The following MTUS2 variants were observed in gnomAD, a reference collection of about 807,000 sequenced individuals.
MTUS2 encodes microtubule-associated tumor suppressor candidate 2.
MTUS2 carries 40 observed loss-of-function variants against 114.1 expected under a neutral mutation model. That is an observed-to-expected ratio of 0.35 (90% CI 0.27 to 0.46). MTUS2 has a LOEUF of 0.46. Ranked by LOEUF, MTUS2 falls within the 20% of genes least tolerant of loss-of-function variation. The pLI, the probability that MTUS2 is intolerant of heterozygous loss-of-function variation, is 1.00. For missense variants in MTUS2, 1,679 were observed against 1,705.4 expected (o/e 0.98, Z 0.27); for synonymous variants, 688 against 672.0 (o/e 1.02, Z -0.37).
intron 5 of MTUS2, among the ~76,000 whole-genome samples, chr13:29,130,965 C>G (rs931626394): frequency 1.3e-5 from 2 of 152,216 alleles, no homozygotes; most frequent in Non-Finnish European, 2.9e-5. Context: ...TCATTCATCT[C>G]CCTCTGCTCC....
At chr13:29,364,660 G>T (rs1423515777) in intron 8 of MTUS2, among the ~76,000 whole-genome samples, 2 of 152,170 alleles carry the variant, frequency 1.3e-5, no homozygotes, top group Non-Finnish European at 2.9e-5. Flanking sequence ...TAAATTCAGG[G>T]ATTCATCAGA....
intron 2 of MTUS2, among the ~76,000 whole-genome samples, chr13:28,985,553 T>C (rs1002296151): frequency 2.1e-5 from 3 of 142,602 alleles, no homozygotes; most frequent in Non-Finnish European, 3.0e-5. Context: ...ATCGAAGAAA[T>C]GGTATTCTTT....
chr13:28,906,554 G>T (rs566802737), intron 2 of MTUS2, among the ~76,000 whole-genome samples: 16 of 151,730 alleles, frequency 1.1e-4, no homozygotes, highest in Non-Finnish European at 2.2e-4. Context: ...TTTCCATATA[G>T]TTGAGCAGTT....
chr13:29,274,641 TCCCA>T (rs1399948195), intron 5 of MTUS2, among the ~76,000 whole-genome samples: 2 of 152,200 alleles, frequency 1.3e-5, no homozygotes, highest in African/African-American at 2.4e-5. Context: ...TGTACTTATT[TCCCA>T]TTTGTATATC....
chr13:29,128,259 C>T (rs1487695903), intron 5 of MTUS2, among the ~76,000 whole-genome samples: 6 of 152,080 alleles, frequency 3.9e-5, no homozygotes, highest in South Asian at 2.1e-4. Context: ...AGACATGCAG[C>T]GGGACCAGAA....
At chr13:29,269,451 A>G (rs1897792091) in intron 5 of MTUS2, among the ~76,000 whole-genome samples, 1 of 152,248 alleles carries the variant, frequency 6.6e-6, no homozygotes, top group Non-Finnish European at 1.5e-5. Flanking sequence ...AAGGTAAGAA[A>G]ATGATACGAA....
At chr13:28,825,336 G>C (rs2137928395) in intron 1 of MTUS2, among the ~76,000 whole-genome samples, 1 of 152,308 alleles carries the variant, frequency 6.6e-6, no homozygotes, top group South Asian at 2.1e-4. Context: ...GTCACCCTGG[G>C]AACAAATGGA....
chr13:29,099,625 G>A (rs1890325684), intron 4 of MTUS2, among the ~76,000 whole-genome samples: 1 of 152,054 alleles, frequency 6.6e-6, no homozygotes, highest in Non-Finnish European at 1.5e-5. Flanking sequence ...CTGAAACCTG[G>A]TTAATATTTT....
At chr13:29,380,024 G>A (rs1007142557) in intron 8 of MTUS2, among the ~76,000 whole-genome samples, 2 of 152,224 alleles carry the variant, frequency 1.3e-5, no homozygotes, top group Non-Finnish European at 2.9e-5. Flanking sequence ...CCCCAGGGCT[G>A]TAACAATAAC....
chr13:28,896,610 A>C (rs1480684603), intron 2 of MTUS2, among the ~76,000 whole-genome samples: 1 of 152,236 alleles, frequency 6.6e-6, no homozygotes, highest in African/African-American at 2.4e-5. Context: ...CCTAAGCCAA[A>C]AGAACAAAGC....
chr13:29,157,560 G>T (rs1017228619), intron 5 of MTUS2, among the ~76,000 whole-genome samples: 4 of 152,128 alleles, frequency 2.6e-5, no homozygotes, highest in Admixed American at 2.6e-4. Context: ...AGGACCTTGA[G>T]CTCTGAGGAT....
At chr13:29,428,119 T>C (rs1282094703) in intron 8 of MTUS2, among the ~76,000 whole-genome samples, 4 of 152,218 alleles carry the variant, frequency 2.6e-5, no homozygotes, top group Non-Finnish European at 5.9e-5. Context: ...TTCACAGTTA[T>C]ATTTTAAATA....
intron 8 of MTUS2, among the ~76,000 whole-genome samples, chr13:29,391,292 G>A (rs548574453): frequency 6.6e-6 from 1 of 152,280 alleles, no homozygotes; most frequent in Non-Finnish European, 1.5e-5. Flanking sequence ...GTTTCACCAT[G>A]TTGGCCAGGT....
chr13:29,082,541 G>A (rs1321184781), intron 4 of MTUS2, among the ~76,000 whole-genome samples: 1 of 152,178 alleles, frequency 6.6e-6, no homozygotes, highest in Non-Finnish European at 1.5e-5. Flanking sequence ...TCAGGCAAAG[G>A]TCTGAGGAAA....
chr13:29,504,180 G>A lies in MTUS2; in HGVS notation c.*974G>A, dbSNP rs919090744. 7 of 232,242 alleles carry A rather than the reference G, an allele frequency of 3.0e-5. No homozygotes were observed. The highest frequency in any genetic ancestry group is 5.1e-5 in the Non-Finnish European group (6 of 117,468). The allele number at this position is 232,242 out of a possible 1,614,324, so 14.4% of individuals were successfully genotyped here. On this transcript the variant is annotated 3_prime_UTR_variant, in exon 16 of 16. Transcript: ENST00000612955. ...GCGCTCCATCCTCATGAAGGAAATT[G>A]CTGCCAAGGTCTGTATTTTGACCAG...
At chr13:29,358,249 A>G (rs1007348716) in intron 7 of MTUS2, among the ~76,000 whole-genome samples, 2 of 152,192 alleles carry the variant, frequency 1.3e-5, no homozygotes, top group Non-Finnish European at 2.9e-5. Context: ...GACCAGAGGA[A>G]GACGCCTGCC....
chr13:28,929,118 C>T (rs1881481209), intron 2 of MTUS2, among the ~76,000 whole-genome samples: 2 of 150,722 alleles, frequency 1.3e-5, no homozygotes, highest in South Asian at 2.1e-4. Flanking sequence ...AAATGTGGAT[C>T]TCATGAAGGT....
chr13:29,424,031 A>ATT (rs35299233), intron 8 of MTUS2, among the ~76,000 whole-genome samples: 10 of 145,364 alleles, frequency 6.9e-5, no homozygotes, highest in African/African-American at 2.5e-4. Context: ...TGCCTGGCTA[A>ATT]TTTTTTTTTT....
chr13:28,841,287 G>A (rs933055288), intron 2 of MTUS2, among the ~76,000 whole-genome samples: 6 of 152,204 alleles, frequency 3.9e-5, no homozygotes, highest in Non-Finnish European at 8.8e-5. Context: ...TAGGGGCTAC[G>A]GGTGGAGTAT....
Sources: gnomAD v4.1 joint callset for allele counts (sites outside exome capture counted in the v4.1 genomes callset) on GRCh38, gnomAD v4.1.1 for gene constraint, MANE v1.5 for transcripts, NCBI Gene and HGNC (gene_info 2026-07-23, HGNC 2026-07-21) for gene names.